The following RYR3 variants were observed in gnomAD, a reference collection of about 807,000 sequenced individuals.
RYR3 encodes brain ryanodine receptor-calcium release channel.
RYR3 carries 207 observed loss-of-function variants against 584.3 expected under a neutral mutation model. The ratio of observed to expected loss-of-function variants is 0.35; its 90% CI spans 0.32 to 0.40. The LOEUF is 0.40. Ranked by LOEUF, RYR3 falls within the 10% of genes least tolerant of loss-of-function variation. The pLI is 1.00. For missense variants in RYR3, 5,616 were observed against 6,089.2 expected (o/e 0.92, Z 2.59); for synonymous variants, 2,416 against 2,248.5 (o/e 1.07, Z -2.11).
At chr15:33,807,194 C>T (rs732420) in intron 69 of RYR3, among the ~76,000 whole-genome samples, 2 of 152,148 alleles carry the variant, frequency 1.3e-5, no homozygotes, top group African/African-American at 4.8e-5. Context: ...CTATAGCCCA[C>T]CCAGGTGAAA....
At chr15:33,662,055 C>A (rs924010054) in intron 34 of RYR3, 98 bp from the exon 35 acceptor site, 23 of 1,024,500 alleles carry the variant, frequency 2.2e-5, no homozygotes, top group African/African-American at 4.9e-5. Context: ...ACCCCTCCAA[C>A]CTTCCACCCA....
At chr15:33,414,970 AC>A (rs929214972) in intron 1 of RYR3, among the ~76,000 whole-genome samples, 41 of 151,652 alleles carry the variant, frequency 2.7e-4, no homozygotes, top group African/African-American at 9.4e-4. Flanking sequence ...ATATATAGGC[AC>A]CCCCTCAAAT....
chr15:33,846,387 A>G (rs2078724893), intron 93 of RYR3, among the ~76,000 whole-genome samples: 1 of 152,222 alleles, frequency 6.6e-6, no homozygotes, highest in Non-Finnish European at 1.5e-5. Flanking sequence ...CCTTGGGGCC[A>G]TATTCACAAC....
intron 5 of RYR3, among the ~76,000 whole-genome samples, chr15:33,534,997 G>T (rs35030545): frequency 0.37 from 55,984 of 152,102 alleles, 10,651 homozygotes; most frequent in Admixed American, 0.48. Flanking sequence ...AGGATGTTTG[G>T]TAGAGCCTTC....
At chr15:33,533,640 C>T (rs80024238) in intron 5 of RYR3, among the ~76,000 whole-genome samples, 4,891 of 152,212 alleles carry the variant, frequency 0.032, 94 homozygotes, top group East Asian at 0.061. Flanking sequence ...AAATCTTTAA[C>T]GTTGTTAGGT....
In RYR3 at chr15:33,586,081, A is replaced by G. The variant is rs751751212; in HGVS notation, c.1753A>G (p.Ile585Val). The G allele has an allele frequency of 1.9e-5, 30 of 1,613,150 alleles. No homozygotes were observed. Among genetic ancestry groups the G allele is most frequent in the Non-Finnish European group, 2.2e-5 (26 of 1,179,246 alleles). ...LIAEGHIKSI[I>V]SLLDKHGRNH... is the part of the protein sequence containing the mutation. ...AGCGGAGGGCCACATCAAGTCGATCATCTCCCTGTTGGATAAGCACGGGCG... is the reference window on the plus strand; with the variant it reads ...AGCGGAGGGCCACATCAAGTCGATCGTCTCCCTGTTGGATAAGCACGGGCG... Residue 585 changes from isoleucine (I) to valine (V), a missense_variant, in exon 16 of 104, where the codon ATC becomes GTC. Ile to Val is a conservative substitution (Grantham distance 29). This residue lies in a region of RYR3 where 1,284 missense variants were observed against 1,344.6 expected (regional missense o/e 0.95). Coordinates refer to ENST00000634891, the MANE Select transcript of RYR3 (RefSeq NM_001036.6).
chr15:33,312,468 A>C (rs1967473980), intron 1 of RYR3, among the ~76,000 whole-genome samples: 1 of 152,160 alleles, frequency 6.6e-6, no homozygotes, highest in East Asian at 1.9e-4. Flanking sequence ...CTGCAGACCC[A>C]GACTCCATTC....
intron 1 of RYR3, among the ~76,000 whole-genome samples, chr15:33,438,554 C>T (rs1011053885): frequency 6.6e-6 from 1 of 152,124 alleles, no homozygotes; most frequent in Non-Finnish European, 1.5e-5. Flanking sequence ...GCTATTCTTG[C>T]TCCTTTTATC....
In RYR3 at chr15:33,327,640, A is replaced by G. The variant is rs544964315; in HGVS notation, c.51+16544A>G. 3.9e-5 allele frequency among the ~76,000 whole-genome samples: 6 copies of G among 152,366 alleles called. No individual in the cohort carries two copies. In the South Asian group the frequency reaches 1.2e-3, roughly 32 times the overall value. ...TATTGTGCAAATTTTACTTCATGTTATGAAAATCTCCTTTTCTCCACTAGA... is the reference window on the plus strand; with the variant it reads ...TATTGTGCAAATTTTACTTCATGTTGTGAAAATCTCCTTTTCTCCACTAGA... On this transcript the variant is annotated intron_variant, in intron 1 of 103. Transcript: ENST00000634891.
intron 67 of RYR3, among the ~76,000 whole-genome samples, chr15:33,794,879 A>G (rs1343335884): frequency 1.3e-5 from 2 of 152,186 alleles, no homozygotes; most frequent in Non-Finnish European, 2.9e-5. Context: ...GGATGGAGAA[A>G]TACCCGTTCC....
At position 33,857,870 on chromosome 15, in the gene RYR3, G is replaced by C. The variant is rs201221837; in HGVS notation, c.14098G>C (p.Glu4700Gln). 2 of 1,614,202 alleles carry C rather than the reference G, an allele frequency of 1.2e-6. No individual in the cohort carries two copies. Among genetic ancestry groups the C allele is most frequent in the Non-Finnish European group, 1.7e-6 (2 of 1,180,032 alleles). Residue 4700 changes from glutamate to glutamine, a missense_variant, in exon 99 of 104, where the codon GAA (glutamate) becomes CAA (glutamine). This residue lies in a region of RYR3 where 918 missense variants were observed against 887.4 expected (regional missense o/e 1.03). Coordinates refer to ENST00000634891, the MANE Select transcript of RYR3 (RefSeq NM_001036.6). ...CTTCCGCAAGTTCTACAACAAAAGC[G>C]AAGACGATGACGAGCCCGATATGAA... ...NFFRKFYNKS[E>Q]DDDEPDMKCD...
At chr15:33,636,732 A>AT (rs1792811518) in intron 27 of RYR3, among the ~76,000 whole-genome samples, 182 bp downstream of exon 27, 1 of 152,198 alleles carries the variant, frequency 6.6e-6, no homozygotes, top group African/African-American at 2.4e-5. Flanking sequence ...GATAATAGTG[A>AT]TAGTTGGTGT....
chr15:33,345,131 A>G (rs986358706), intron 1 of RYR3, among the ~76,000 whole-genome samples: 5 of 152,110 alleles, frequency 3.3e-5, no homozygotes, highest in Middle Eastern at 3.2e-3. Flanking sequence ...GTATGAAGTA[A>G]CTGAGATAGA....
At chr15:33,360,837 G>A (rs554954761) in intron 1 of RYR3, among the ~76,000 whole-genome samples, 8 of 152,222 alleles carry the variant, frequency 5.3e-5, no homozygotes, top group Non-Finnish European at 1.2e-4. Flanking sequence ...GGCAGCCAAG[G>A]AATCTGGCCT....
At chr15:33,551,409 T>C (rs1365507584) in intron 10 of RYR3, among the ~76,000 whole-genome samples, 1 of 152,238 alleles carries the variant, frequency 6.6e-6, no homozygotes, top group Non-Finnish European at 1.5e-5. Context: ...CTGAATTTTC[T>C]GTGGGGCATC....
At chr15:33,450,086 C>CT (rs1326925029) in intron 1 of RYR3, among the ~76,000 whole-genome samples, 1 of 22,852 alleles carries the variant, frequency 4.4e-5, no homozygotes, top group African/African-American at 4.0e-4. Flanking sequence ...GCATTAATAC[C>CT]TAAAAAAAAA....
intron 12 of RYR3, among the ~76,000 whole-genome samples, chr15:33,573,573 G>C (rs1482763974): frequency 1.3e-5 from 2 of 152,224 alleles, no homozygotes; most frequent in Middle Eastern, 3.2e-3. Flanking sequence ...ACTGTCAGCT[G>C]TCCTCTAAGT....
chr15:33,496,042 T>C (rs1347096208), intron 2 of RYR3, among the ~76,000 whole-genome samples: 1 of 152,200 alleles, frequency 6.6e-6, no homozygotes, highest in Non-Finnish European at 1.5e-5. Context: ...CATGAAAACG[T>C]GGTCTTATCC....
chr15:33,370,700 G>C (rs1487027767), intron 1 of RYR3, among the ~76,000 whole-genome samples: 1 of 152,206 alleles, frequency 6.6e-6, no homozygotes, highest in Non-Finnish European at 1.5e-5. Flanking sequence ...TGTGAGCCAG[G>C]ATGGAGAAAG....
Sources: gnomAD v4.1 joint callset for allele counts (sites outside exome capture counted in the v4.1 genomes callset) on GRCh38, gnomAD v4.1.1 for gene constraint, gnomAD v4.1.1 regional missense constraint, MANE v1.5 for transcripts, NCBI Gene and HGNC (gene_info 2026-07-23, HGNC 2026-07-21) for gene names.